Variants in SNTA1 observed in about 807,000 individuals in gnomAD.
The protein encoded by SNTA1 is syntrophin alpha 1.
SNTA1 carries 31 observed loss-of-function variants against 47.1 expected under a neutral mutation model. The observed-to-expected ratio is 0.66, with a 90% CI of 0.49 to 0.89. SNTA1 has a LOEUF of 0.89. Among genes scored for constraint, SNTA1 ranks in the 40% least tolerant of loss-of-function variants. The pLI, the probability that SNTA1 is intolerant of heterozygous loss-of-function variation, is 0.00. For missense variants in SNTA1, 575 were observed against 693.0 expected, an observed-to-expected ratio of 0.83 and a Z score of 1.91; for synonymous variants, 300 against 313.6, an observed-to-expected ratio of 0.96 and a Z score of 0.46.
At chr20:33,440,655 C>A (rs1380889580) in intron 1 of SNTA1, among the ~76,000 whole-genome samples, 1 of 151,556 alleles carries the variant, frequency 6.6e-6, no homozygotes, top group Non-Finnish European at 1.5e-5. Context: ...CAAAATAAAA[C>A]AAAAATACAA....
In SNTA1 at chr20:33,412,807, A is replaced by G. The variant is rs779468124; in HGVS notation, c.702-25T>C. On this transcript the variant is annotated intron_variant, in intron 3 of 7. Transcript: ENST00000217381. Reference sequence around the variant, plus strand: ...CCTGCAGGCACAAATGGGTGGAGACAAGGACCTGACCATTAGGCTGCAGCT... The same window carrying G: ...CCTGCAGGCACAAATGGGTGGAGACGAGGACCTGACCATTAGGCTGCAGCT... 3.2e-6 allele frequency: 5 copies of G among 1,538,832 alleles called. 1 individual carries two copies. The South Asian group carries it at 5.8e-5, about 18-fold the overall frequency.
At chr20:33,443,100 C>A (rs1400929833) in intron 1 of SNTA1, among the ~76,000 whole-genome samples, 1 of 151,920 alleles carries the variant, frequency 6.6e-6, no homozygotes, top group Non-Finnish European at 1.5e-5. Flanking sequence ...CTTATCCACA[C>A]CTGTGTCTTC....
intron 1 of SNTA1, 96 bp from the exon 2 acceptor site, chr20:33,439,122 G>A: frequency 1.7e-6 from 2 of 1,145,052 alleles, no homozygotes; most frequent in South Asian, 2.5e-5. Context: ...TTCCCTTGGT[G>A]CCTAGCCCAG....
At chr20:33,442,343 GA>G (rs1990599390) in intron 1 of SNTA1, among the ~76,000 whole-genome samples, 1 of 152,154 alleles carries the variant, frequency 6.6e-6, no homozygotes, top group South Asian at 2.1e-4. Flanking sequence ...GACAAAGGCT[GA>G]TACCCTTTCC....
chr20:33,418,152 G>A (rs557833156), intron 2 of SNTA1, among the ~76,000 whole-genome samples: 29 of 151,818 alleles, frequency 1.9e-4, no homozygotes, highest in African/African-American at 5.6e-4. Flanking sequence ...GATAGGGCCC[G>A]CCTATATCCC....
In SNTA1 at chr20:33,412,656, C is replaced by T. The variant is rs35938843; in HGVS notation, c.828G>A (p.Lys276=). The change falls in exon 4 of 8, where the codon AAG becomes AAA. Residue 276 remains lysine, a synonymous_variant. Coordinates refer to ENST00000217381, the MANE Select transcript of SNTA1 (RefSeq NM_003098.3). ...CTGCCAACAGTGCCTGCAGCTCATC[C>T]TTGACCCGCGGCGTCAGAGTATTGA... The part of the protein sequence containing the change: ...AQVNTLTPRV[K]DELQALLAAT... The T allele has an allele frequency of 0.015, 23,819 of 1,613,964 alleles. 227 individuals carry two copies. The highest frequency in any genetic ancestry group is 0.017 in the Non-Finnish European group (20,478 of 1,180,000).
chr20:33,424,837 C>A (rs1053730967), intron 2 of SNTA1, among the ~76,000 whole-genome samples: 1 of 151,146 alleles, frequency 6.6e-6, no homozygotes, highest in African/African-American at 2.4e-5. Flanking sequence ...AAAAACTAGG[C>A]CGGGCACAGT....
chr20:33,422,459 A>G (rs1318112458), intron 2 of SNTA1, among the ~76,000 whole-genome samples: 1 of 150,808 alleles, frequency 6.6e-6, no homozygotes, highest in Non-Finnish European at 1.5e-5. Context: ...AAAGAAAAGA[A>G]AAAGAAAGAA....
At chr20:33,411,495 A>C (rs1600838350) in intron 5 of SNTA1, among the ~76,000 whole-genome samples, 1 of 148,666 alleles carries the variant, frequency 6.7e-6, no homozygotes, top group African/African-American at 2.5e-5. Context: ...ACCCACCTCC[A>C]CCTCCCCCAG....
intron 2 of SNTA1, among the ~76,000 whole-genome samples, chr20:33,424,271 A>C (rs910824908): frequency 6.6e-6 from 1 of 150,836 alleles, no homozygotes; most frequent in African/African-American, 2.4e-5. Flanking sequence ...CCAAGATTGT[A>C]CCATTGCACT....
chr20:33,413,427 C>A (rs1192303965), intron 3 of SNTA1, among the ~76,000 whole-genome samples: 2 of 152,112 alleles, frequency 1.3e-5, no homozygotes, highest in African/African-American at 4.8e-5. Context: ...CCGTGCCCAG[C>A]CTACACGTAT....
At chr20:33,438,781 T>C in intron 2 of SNTA1, 60 bp downstream of exon 2, 1 of 1,390,096 alleles carries the variant, frequency 7.2e-7, no homozygotes, top group Non-Finnish European at 1.0e-6. Context: ...CTGGGGGAGG[T>C]AGAGAAGCAG....
At chr20:33,425,130 A>C (rs886431177) in intron 2 of SNTA1, among the ~76,000 whole-genome samples, 9 of 151,864 alleles carry the variant, frequency 5.9e-5, no homozygotes, top group African/African-American at 2.2e-4. Context: ...AAAAAAAATT[A>C]GCCGGGCATG....
Position 33,422,853 on chromosome 20 carries a change from G to A in SNTA1, c.497-4930C>T, listed in dbSNP as rs116429385. ...CAGGCTCATTTAGCAGGAGGGAAGA[G>A]GTGCCATAGCCCAGGAGACAGGCCC... On this transcript the variant is annotated intron_variant, in intron 2 of 7. Transcript: ENST00000217381. 7.6e-3 allele frequency among the ~76,000 whole-genome samples: 1,156 copies of A among 152,222 alleles called. 11 individuals carry two copies. The highest frequency in any genetic ancestry group is 0.026 in the African/African-American group (1,095 of 41,530).
intron 2 of SNTA1, among the ~76,000 whole-genome samples, chr20:33,429,507 G>C (rs1195576549): frequency 6.6e-6 from 1 of 151,542 alleles, no homozygotes; most frequent in African/African-American, 2.4e-5. Flanking sequence ...GTGCGCGCCT[G>C]TAATCCTAGC....
At chr20:33,420,459 A>C (rs1030923754) in intron 2 of SNTA1, among the ~76,000 whole-genome samples, 9 of 152,162 alleles carry the variant, frequency 5.9e-5, no homozygotes, top group Non-Finnish European at 1.2e-4. Flanking sequence ...CAATGGTGCA[A>C]CTGCTACATC....
chr20:33,424,617 G>T (rs1318530735), intron 2 of SNTA1, among the ~76,000 whole-genome samples: 2 of 151,898 alleles, frequency 1.3e-5, no homozygotes, highest in African/African-American at 4.8e-5. Context: ...AGGCTTAAGC[G>T]ATCCTCCCAC....
In SNTA1 at chr20:33,412,329, C is replaced by T. The variant is rs149126874; in HGVS notation, c.1007G>A (p.Arg336Gln). The T allele has an allele frequency of 3.3e-5, 53 of 1,611,842 alleles. No homozygotes were observed. Among genetic ancestry groups the T allele is most frequent in the Non-Finnish European group, 3.8e-5 (45 of 1,179,538 alleles). The change falls in exon 5 of 8, where the codon CGG (arginine) becomes CAG (glutamine). Residue 336 changes from arginine (R) to glutamine (Q), a missense_variant. Arg to Gln is a conservative substitution (Grantham distance 43). Coordinates refer to ENST00000217381, the MANE Select transcript of SNTA1 (RefSeq NM_003098.3). The part of the protein sequence containing the change: ...SLPETREALS[R>Q]PARTAPLIAT... ...GATGAGTGGGGCAGTACGGGCTGGC[C>T]GGCTCAGGGCCTCGCGGGTCTCGGG...
At chr20:33,434,846 C>T (rs1990397879) in intron 2 of SNTA1, among the ~76,000 whole-genome samples, 2 of 151,752 alleles carry the variant, frequency 1.3e-5, no homozygotes, top group South Asian at 4.1e-4. Flanking sequence ...CTGGAGCTGC[C>T]ACTCTAAATA....
Sources: gnomAD v4.1 joint callset for allele counts (sites outside exome capture counted in the v4.1 genomes callset) on GRCh38, gnomAD v4.1.1 for gene constraint, MANE v1.5 for transcripts, NCBI Gene and HGNC (gene_info 2026-07-23, HGNC 2026-07-21) for gene names.